Variants in KCNH1 observed in about 807,000 individuals in gnomAD.
KCNH1 encodes potassium voltage-gated channel subfamily H member 1, also known as voltage-gated delayed rectifier potassium channel KCNH1.
A neutral mutation model predicts 69.2 loss-of-function variants in KCNH1; 27 were observed. The observed-to-expected ratio is 0.39, with a 90% confidence interval of 0.29 to 0.54. The LOEUF (loss-of-function observed/expected upper bound fraction) is 0.54, where lower values mean the gene tolerates loss of function less well. Among genes scored for constraint, KCNH1 ranks in the 20% least tolerant of loss-of-function variants. KCNH1 has a pLI of 0.68. For synonymous variants in KCNH1, 456 were observed against 487.7 expected (o/e 0.93, Z 0.86); for missense variants, 798 against 1,261.6 (o/e 0.63, Z 5.57).
At chr1:210,807,431 C>T (rs1436391362) in intron 7 of KCNH1, among the ~76,000 whole-genome samples, 1 of 151,936 alleles carries the variant, frequency 6.6e-6, no homozygotes, top group Non-Finnish European at 1.5e-5. Context: ...ATGGCAAAGC[C>T]CTGTCTCTAC....
chr1:211,070,433 A>ACC (rs1690620471), intron 5 of KCNH1, among the ~76,000 whole-genome samples: 1 of 62,332 alleles, frequency 1.6e-5, no homozygotes, highest in Non-Finnish European at 4.8e-5. Context: ...AAAAAAAAAC[A>ACC]CACACACACA....
chr1:211,081,442 AT>A (rs1690857933), intron 5 of KCNH1, among the ~76,000 whole-genome samples: 1 of 152,192 alleles, frequency 6.6e-6, no homozygotes, highest in Non-Finnish European at 1.5e-5. Context: ...TAGAAATACC[AT>A]TTGACCCAGC....
At chr1:210,713,609 G>A (rs555355552) in intron 10 of KCNH1, among the ~76,000 whole-genome samples, 14 of 152,128 alleles carry the variant, frequency 9.2e-5, no homozygotes, top group African/African-American at 3.4e-4. Context: ...GAGGTGTCAG[G>A]GGTTAGGGAA....
rs140392398 is a variant in KCNH1 at position 210,893,165 on chromosome 1, G to A, written c.1462+26475C>T. Among the ~76,000 whole-genome samples, 605 of 152,280 alleles carry A rather than the reference G, an allele frequency of 4.0e-3. 6 individuals are homozygous for A. Among genetic ancestry groups the A allele is most frequent in the African/African-American group, 0.014 (566 of 41,562 alleles). On this transcript the variant is annotated intron_variant, in intron 7 of 10. Transcript: ENST00000271751. ...AGTATCATTTTTGGTTTGTCTGAAA[G>A]ACATCTGTTTACATTTTTTATAGTG...
chr1:210,967,174 G>A (rs562305232), intron 6 of KCNH1, among the ~76,000 whole-genome samples: 149 of 152,156 alleles, frequency 9.8e-4, no homozygotes, highest in African/African-American at 3.2e-3. Context: ...GGACTGTCAG[G>A]GGTTGGGGGG....
intron 7 of KCNH1, chr1:210,861,499 G>T (rs1484076758): frequency 1.3e-6 from 1 of 774,196 alleles, no homozygotes; most frequent in Non-Finnish European, 2.4e-6. Flanking sequence ...CCCACTTCTT[G>T]CATTTCCATT....
chr1:211,001,388 A>G (rs985957822), intron 6 of KCNH1, among the ~76,000 whole-genome samples: 2 of 152,242 alleles, frequency 1.3e-5, no homozygotes, highest in Non-Finnish European at 2.9e-5. Context: ...GAAGACATTT[A>G]TGCAGCCAAA....
chr1:210,745,159 A>G (rs370161910), intron 10 of KCNH1, among the ~76,000 whole-genome samples: 1 of 55,830 alleles, frequency 1.8e-5, no homozygotes, highest in African/African-American at 5.5e-5. Flanking sequence ...AGTGGAGGTC[A>G]TGCCACTGCA....
chr1:211,102,481 A>G (rs145660145), intron 3 of KCNH1, among the ~76,000 whole-genome samples: 9 of 152,310 alleles, frequency 5.9e-5, no homozygotes, highest in East Asian at 5.8e-4. Context: ...GAACTGGAGC[A>G]AGGCAACAAA....
intron 6 of KCNH1, among the ~76,000 whole-genome samples, chr1:210,989,040 C>T (rs529510847): frequency 6.6e-6 from 1 of 152,192 alleles, no homozygotes; most frequent in African/African-American, 2.4e-5. Flanking sequence ...AAAAGTGGTG[C>T]TACTGTCACA....
rs142302384 is a variant in KCNH1, at chr1:210,824,776, G to A, written c.1463-20610C>T. Among the ~76,000 whole-genome samples, 821 of 152,242 alleles carry A rather than the reference G, an allele frequency of 5.4e-3. 4 individuals carry two copies. Among genetic ancestry groups the A allele is most frequent in the African/African-American group, 0.019 (788 of 41,550 alleles). On this transcript the variant is annotated intron_variant, in intron 7 of 10. Transcript: ENST00000271751. ...TAGTTGTAGTGTGAAATCTGAAACC[G>A]TATCAATGAACTTTTCATACTCTTA...
At chr1:210,983,929 G>T (rs1305804121) in intron 6 of KCNH1, among the ~76,000 whole-genome samples, 1 of 152,104 alleles carries the variant, frequency 6.6e-6, no homozygotes, top group African/African-American at 2.4e-5. Context: ...CCATTTGTTT[G>T]TATCCTCTTT....
At chr1:210,698,852 C>T (rs192179316) in intron 10 of KCNH1, among the ~76,000 whole-genome samples, 7 of 152,338 alleles carry the variant, frequency 4.6e-5, no homozygotes, top group East Asian at 3.9e-4. Context: ...AGGGCTGCAG[C>T]GCCTGCCTGC....
chr1:211,067,662 C>T (rs1307728783), intron 5 of KCNH1, among the ~76,000 whole-genome samples: 1 of 152,208 alleles, frequency 6.6e-6, no homozygotes, highest in Non-Finnish European at 1.5e-5. Flanking sequence ...ACTGGGTTTC[C>T]TTTGCTGAGA....
chr1:210,848,762 G>A (rs1252629881), intron 7 of KCNH1, among the ~76,000 whole-genome samples: 3 of 152,066 alleles, frequency 2.0e-5, no homozygotes, highest in Admixed American at 2.0e-4. Context: ...CTATATATTT[G>A]ACTTCATAAT....
intron 7 of KCNH1, among the ~76,000 whole-genome samples, chr1:210,897,856 G>A (rs1287787630): frequency 6.6e-6 from 1 of 152,198 alleles, no homozygotes; most frequent in Admixed American, 6.5e-5. Context: ...AGCAGGAAGA[G>A]AGCGAGCTGA....
At chr1:211,005,585 T>C (rs972488448) in intron 6 of KCNH1, among the ~76,000 whole-genome samples, 19 of 152,142 alleles carry the variant, frequency 1.2e-4, no homozygotes, top group Admixed American at 1.0e-3. Flanking sequence ...TGATCTCTAT[T>C]TCATAGCATA....
At chr1:210,717,989 G>C (rs9651106) in intron 10 of KCNH1, among the ~76,000 whole-genome samples, 69,315 of 151,368 alleles carry the variant, frequency 0.46, 16,562 homozygotes, top group African/African-American at 0.59. Flanking sequence ...CACCTTTAAT[G>C]CCAGCTACTG....
intron 6 of KCNH1, among the ~76,000 whole-genome samples, chr1:210,967,920 G>A (rs1489738480): frequency 6.6e-6 from 1 of 151,396 alleles, no homozygotes; most frequent in Non-Finnish European, 1.5e-5. Flanking sequence ...ACATTGTGCA[G>A]GTTAGTTACA....
Sources: gnomAD v4.1 joint callset for allele counts (sites outside exome capture counted in the v4.1 genomes callset) on GRCh38, gnomAD v4.1.1 for gene constraint, MANE v1.5 for transcripts, NCBI Gene and HGNC (gene_info 2026-07-23, HGNC 2026-07-21) for gene names.